Variants in MAGI2 observed in about 807,000 individuals in gnomAD.
The protein encoded by MAGI2 is membrane-associated guanylate kinase, WW and PDZ domain-containing protein 2.
Under a neutral mutation model 133.3 loss-of-function variants are expected in MAGI2, and 35 were observed. The ratio of observed to expected loss-of-function variants is 0.26; its 90% CI spans 0.20 to 0.35. The LOEUF (loss-of-function observed/expected upper bound fraction) is 0.35, where lower values mean the gene tolerates loss of function less well. Among genes scored for constraint, MAGI2 ranks in the 10% least tolerant of loss-of-function variants. The pLI, the probability that MAGI2 is intolerant of heterozygous loss-of-function variation, is 1.00. For synonymous variants in MAGI2, 729 were observed against 710.6 expected (o/e 1.03, Z -0.41); for missense variants, 1,636 against 1,863.4 (o/e 0.88, Z 2.25).
intron 1 of MAGI2, among the ~76,000 whole-genome samples, chr7:79,339,530 G>C (rs925186832): frequency 3.8e-5 from 5 of 131,258 alleles, no homozygotes; most frequent in African/African-American, 1.5e-4. Flanking sequence ...TTTGTTATTT[G>C]TATATTTTTA....
At chr7:78,396,558 GCTACCGC>G (rs907614866) in intron 6 of MAGI2, among the ~76,000 whole-genome samples, 1 of 152,088 alleles carries the variant, frequency 6.6e-6, no homozygotes, top group Non-Finnish European at 1.5e-5. Context: ...ATCTGAAATA[GCTACCGC>G]CTTTCCTTCC....
At chr7:78,355,731 A>G (rs764984179) in intron 7 of MAGI2, among the ~76,000 whole-genome samples, 14 of 152,212 alleles carry the variant, frequency 9.2e-5, no homozygotes, top group Non-Finnish European at 1.9e-4. Context: ...GTAATCTGCA[A>G]CACACTTCAG....
intron 14 of MAGI2, among the ~76,000 whole-genome samples, chr7:78,174,812 A>G (rs1462970979): frequency 1.3e-5 from 2 of 152,166 alleles, no homozygotes; most frequent in Non-Finnish European, 2.9e-5. Flanking sequence ...TCTGAGGAAG[A>G]AAGGGGGCTG....
At chr7:78,855,099 TA>T (rs1286934979) in intron 2 of MAGI2, among the ~76,000 whole-genome samples, 2 of 152,078 alleles carry the variant, frequency 1.3e-5, no homozygotes, top group African/African-American at 4.8e-5. Flanking sequence ...AACTTTTACT[TA>T]AAAAATATTT....
intron 1 of MAGI2, among the ~76,000 whole-genome samples, chr7:79,032,342 C>A (rs1404880980): frequency 1.3e-5 from 2 of 151,922 alleles, no homozygotes; most frequent in Non-Finnish European, 2.9e-5. Flanking sequence ...CATGGTGAAA[C>A]CCCGTCTCTA....
intron 7 of MAGI2, among the ~76,000 whole-genome samples, chr7:78,361,948 G>A (rs548939295): frequency 1.2e-4 from 18 of 152,320 alleles, no homozygotes; most frequent in Admixed American, 8.5e-4. Flanking sequence ...CTGGATGGTA[G>A]TGGTGAGAAG....
intron 6 of MAGI2, among the ~76,000 whole-genome samples, chr7:78,374,616 T>A (rs1421340252): frequency 6.6e-6 from 1 of 151,988 alleles, no homozygotes; most frequent in Non-Finnish European, 1.5e-5. Context: ...GAACTTGAAG[T>A]TGGTTTGCTA....
In MAGI2 at chr7:78,501,788, C is replaced by T; in HGVS notation, c.755-1G>A. The T allele has an allele frequency of 6.2e-7, 1 of 1,611,848 alleles. No homozygotes were observed. Among genetic ancestry groups the T allele is most frequent in the South Asian group, 1.1e-5 (1 of 91,012 alleles). On this transcript the variant is annotated splice_acceptor_variant, in intron 4 of 21. Transcript: ENST00000354212. LOFTEE classifies it high-confidence loss of function. ...CTTTTGTCTTCATGTTCACTGGATT[C>T]TATAAGAGAACAAGAGCACGTGGTT...
intron 1 of MAGI2, among the ~76,000 whole-genome samples, chr7:79,423,130 G>T (rs915654581): frequency 8.6e-5 from 13 of 151,908 alleles, no homozygotes; most frequent in African/African-American, 2.9e-4. Context: ...CACTCTCCTA[G>T]AACCAACATA....
intron 2 of MAGI2, among the ~76,000 whole-genome samples, chr7:78,926,062 G>A (rs963268018): frequency 1.3e-5 from 2 of 151,822 alleles, no homozygotes; most frequent in Non-Finnish European, 2.9e-5. Flanking sequence ...AAATCCAGCC[G>A]AATTTCTACC....
At chr7:78,582,391 G>T (rs1321215753) in intron 3 of MAGI2, among the ~76,000 whole-genome samples, 1 of 152,158 alleles carries the variant, frequency 6.6e-6, no homozygotes, top group African/African-American at 2.4e-5. Context: ...CTGTAAAATT[G>T]TTATGCAATA....
At chr7:78,134,935 C>T (rs910680469) in intron 17 of MAGI2, 86 bp downstream of exon 17, 9 of 1,239,286 alleles carry the variant, frequency 7.3e-6, no homozygotes, top group Admixed American at 5.6e-5. Flanking sequence ...AGGTGCACTC[C>T]GCGACCCTGG....
chr7:78,998,085 A>C (rs1183199741), intron 2 of MAGI2, among the ~76,000 whole-genome samples: 1 of 152,170 alleles, frequency 6.6e-6, no homozygotes, highest in Admixed American at 6.5e-5. Flanking sequence ...GGCAGATTTC[A>C]AGGGACATCA....
intron 3 of MAGI2, among the ~76,000 whole-genome samples, chr7:78,591,160 G>A (rs550581533): frequency 6.6e-6 from 1 of 152,300 alleles, no homozygotes; most frequent in East Asian, 1.9e-4. Flanking sequence ...TAAATACCAT[G>A]AGAGCAGCAC....
intron 2 of MAGI2, among the ~76,000 whole-genome samples, chr7:78,881,479 A>G (rs1795834639): frequency 6.6e-6 from 1 of 151,888 alleles, no homozygotes; most frequent in Non-Finnish European, 1.5e-5. Flanking sequence ...CCTAATGTAA[A>G]TGACGAGTTA....
At chr7:79,408,470 T>C (rs889946162) in intron 1 of MAGI2, among the ~76,000 whole-genome samples, 2 of 151,866 alleles carry the variant, frequency 1.3e-5, no homozygotes, top group Non-Finnish European at 2.9e-5. Context: ...GGTAAGGAGA[T>C]ACTATAGGAC....
At chr7:79,270,989 TCCC>T (rs1834832684) in intron 1 of MAGI2, among the ~76,000 whole-genome samples, 1 of 152,052 alleles carries the variant, frequency 6.6e-6, no homozygotes, top group African/African-American at 2.4e-5. Flanking sequence ...CTTTTCTAAC[TCCC>T]CTATTTCCTT....
chr7:78,766,965 G>C (rs757943048), intron 2 of MAGI2, among the ~76,000 whole-genome samples: 1 of 150,984 alleles, frequency 6.6e-6, no homozygotes, highest in Non-Finnish European at 1.5e-5. Flanking sequence ...AAACGCTTAC[G>C]TTGAGAATTC....
At chr7:78,706,305 T>A (rs953470588) in intron 2 of MAGI2, among the ~76,000 whole-genome samples, 1 of 152,004 alleles carries the variant, frequency 6.6e-6, no homozygotes, top group Admixed American at 6.6e-5. Context: ...TATCAGGGGT[T>A]TCTGTTTTTG....
Sources: allele counts gnomAD v4.1 joint callset (sites outside exome capture counted in the v4.1 genomes callset), GRCh38; gene constraint gnomAD v4.1.1; transcripts MANE v1.5; gene names NCBI Gene and HGNC (gene_info 2026-07-23, HGNC 2026-07-21).